EPHA5: variants seen among roughly 807,000 people sequenced by gnomAD.
EPHA5 encodes ephrin type-A receptor 5.
A neutral mutation model predicts 105.0 loss-of-function variants in EPHA5; 60 were observed. The observed-to-expected ratio is 0.57, with a 90% CI of 0.46 to 0.71. The LOEUF (loss-of-function observed/expected upper bound fraction) is 0.71. Among genes scored for constraint, EPHA5 ranks in the 30% least tolerant of loss-of-function variants. The pLI is 0.00. For missense variants in EPHA5, 1,218 were observed against 1,274.7 expected, an observed-to-expected ratio of 0.96 and a Z score of 0.68; for synonymous variants, 513 against 449.1, an observed-to-expected ratio of 1.14 and a Z score of -1.80.
At chr4:65,594,564 A>G (rs1742988617) in intron 3 of EPHA5, among the ~76,000 whole-genome samples, 1 of 152,218 alleles carries the variant, frequency 6.6e-6, no homozygotes, top group Non-Finnish European at 1.5e-5. Context: ...TTTCACTAGC[A>G]TAATTTCTTT....
chr4:65,644,874 T>C (rs1044873236), intron 1 of EPHA5, among the ~76,000 whole-genome samples: 1 of 152,000 alleles, frequency 6.6e-6, no homozygotes, highest in Non-Finnish European at 1.5e-5. Flanking sequence ...ATATAGGTTG[T>C]TGCTAAATAT....
chr4:65,525,893 G>T (rs1328833371), intron 3 of EPHA5, among the ~76,000 whole-genome samples: 1 of 151,718 alleles, frequency 6.6e-6, no homozygotes, highest in Non-Finnish European at 1.5e-5. Flanking sequence ...AAAATCTTTT[G>T]GTAGGGGTCG....
intron 3 of EPHA5, among the ~76,000 whole-genome samples, chr4:65,541,151 T>C (rs1158660327): frequency 1.3e-5 from 2 of 151,172 alleles, no homozygotes; most frequent in Non-Finnish European, 3.0e-5. Flanking sequence ...GCAAAACACA[T>C]GAAAATGTAA....
Position 65,495,438 on chromosome 4 carries a change from T to C in EPHA5, c.1016A>G (p.Glu339Gly). ...HEEASTSCVC[E>G]KDYFRRESDP... ...AGACTCTCTCCTGAAATAATCCTTT[T>C]CACAGACACAAGAGGTTGAAGCTTC... Residue 339 changes from glutamate (E) to glycine (G), a missense_variant, in exon 4 of 17, where the codon GAA (glutamate) becomes GGA (glycine). Coordinates refer to ENST00000613740, the MANE Select transcript of EPHA5 (RefSeq NM_001281766.3). 1 of 1,613,884 alleles carries C rather than the reference T, an allele frequency of 6.2e-7. No homozygotes were observed. The highest frequency in any genetic ancestry group is 8.5e-7 in the Non-Finnish European group (1 of 1,179,836).
At chr4:65,541,275 G>A (rs995612488) in intron 3 of EPHA5, among the ~76,000 whole-genome samples, 1 of 151,568 alleles carries the variant, frequency 6.6e-6, no homozygotes, top group South Asian at 2.1e-4. Flanking sequence ...ATATAAATGG[G>A]CTAAATGCCC....
chr4:65,633,982 G>T (rs1360427347), intron 2 of EPHA5, among the ~76,000 whole-genome samples: 3 of 152,056 alleles, frequency 2.0e-5, no homozygotes, highest in Non-Finnish European at 4.4e-5. Flanking sequence ...TTAGATAGAG[G>T]TTAGGATGGA....
At position 65,502,866 on chromosome 4, in the gene EPHA5, T is replaced by C. The variant is rs193120477; in HGVS notation, c.911-7323A>G. ...TAGCAAAGGCATGAATCAACCTAGG[T>C]TTCCACCAATGGTGGACTGGATAAA... On this transcript the variant is annotated intron_variant, in intron 3 of 16. Transcript: ENST00000613740. Among the ~76,000 whole-genome samples the C allele has an allele frequency of 7.2e-5, 11 of 151,946 alleles. No homozygotes were observed. In the East Asian group the frequency reaches 2.1e-3, roughly 29 times the overall value.
chr4:65,659,410 G>C (rs922333405), intron 1 of EPHA5, among the ~76,000 whole-genome samples: 3 of 149,402 alleles, frequency 2.0e-5, no homozygotes, highest in South Asian at 2.1e-4. Context: ...AAATATGTGG[G>C]AACAGTTCTC....
At chr4:65,484,487 C>T (rs1730686749) in intron 5 of EPHA5, among the ~76,000 whole-genome samples, 3 of 152,110 alleles carry the variant, frequency 2.0e-5, no homozygotes, top group South Asian at 2.1e-4. Flanking sequence ...GGAACATGCC[C>T]TCCAAGGTAA....
chr4:65,591,341 CT>C lies in EPHA5; in HGVS notation c.910+10299del, dbSNP rs548575136. Among the ~76,000 whole-genome samples, 10 of 151,856 alleles carry C rather than the reference CT, an allele frequency of 6.6e-5. No individual in the cohort carries two copies. The South Asian group carries it at 8.3e-4, about 13-fold the overall frequency. ...TAACATAACACCTCTAAATTCATGC[CT>C]TTTTTTCTTTATACAGATGACATGA... On this transcript the variant is annotated intron_variant, in intron 3 of 16. Transcript: ENST00000613740.
At chr4:65,406,957 T>C (rs746017056) in intron 7 of EPHA5, among the ~76,000 whole-genome samples, 3 of 152,026 alleles carry the variant, frequency 2.0e-5, no homozygotes, top group South Asian at 4.1e-4. Flanking sequence ...AATTATCAGA[T>C]ACTATTGTGT....
chr4:65,451,319 A>G (rs1727044940), intron 5 of EPHA5, among the ~76,000 whole-genome samples: 1 of 152,166 alleles, frequency 6.6e-6, no homozygotes, highest in Non-Finnish European at 1.5e-5. Flanking sequence ...TTGATACAAG[A>G]CATTTTAAAT....
chr4:65,472,175 A>T (rs1464612401), intron 5 of EPHA5, among the ~76,000 whole-genome samples: 4 of 152,186 alleles, frequency 2.6e-5, no homozygotes, highest in African/African-American at 9.7e-5. Context: ...TCTGAAATCC[A>T]GCAGGGCAGT....
chr4:65,543,174 C>T (rs1464120149), intron 3 of EPHA5, among the ~76,000 whole-genome samples: 1 of 151,996 alleles, frequency 6.6e-6, no homozygotes, highest in Non-Finnish European at 1.5e-5. Context: ...GACAAGGATG[C>T]CCTCTCTCAA....
intron 16 of EPHA5, chr4:65,331,174 T>C: frequency 1.9e-6 from 2 of 1,029,058 alleles, no homozygotes; most frequent in Non-Finnish European, 2.3e-6. Context: ...AAGTTATCAT[T>C]ATATTCACAG....
chr4:65,359,758 G>C (rs1464742853), intron 11 of EPHA5, among the ~76,000 whole-genome samples: 1 of 151,532 alleles, frequency 6.6e-6, no homozygotes, highest in African/African-American at 2.4e-5. Flanking sequence ...TTAGCTTCCA[G>C]TGCCTCCCTG....
chr4:65,543,463 C>T (rs1737048061), intron 3 of EPHA5, among the ~76,000 whole-genome samples: 1 of 151,944 alleles, frequency 6.6e-6, no homozygotes. Context: ...CAAAGTAACT[C>T]CCATTAACAA....
intron 2 of EPHA5, among the ~76,000 whole-genome samples, chr4:65,620,411 C>A (rs1437073388): frequency 6.6e-6 from 1 of 151,840 alleles, no homozygotes; most frequent in Non-Finnish European, 1.5e-5. Flanking sequence ...GTCTTAACAC[C>A]AATCCAATAA....
chr4:65,376,038 A>C (rs1229752206), intron 8 of EPHA5, among the ~76,000 whole-genome samples: 2 of 151,956 alleles, frequency 1.3e-5, no homozygotes, highest in African/African-American at 4.8e-5. Flanking sequence ...TCTTCTTCTC[A>C]GATCATTGGC....
Sources: allele counts gnomAD v4.1 joint callset (sites outside exome capture counted in the v4.1 genomes callset), GRCh38; gene constraint gnomAD v4.1.1; transcripts MANE v1.5; gene names NCBI Gene and HGNC (gene_info 2026-07-23, HGNC 2026-07-21).